ZBTB20: variants seen among roughly 807,000 people sequenced by gnomAD.
ZBTB20 encodes zinc finger and BTB domain containing 20.
ZBTB20 carries 9 observed loss-of-function variants against 56.9 expected under a neutral mutation model. The ratio of observed to expected loss-of-function variants is 0.16; its 90% confidence interval spans 0.10 to 0.28. ZBTB20 has a LOEUF of 0.28. ZBTB20 is among the 10% of genes least tolerant of loss of function. ZBTB20 has a pLI of 1.00. For missense variants in ZBTB20, 655 were observed against 1,003.0 expected (o/e 0.65, Z 4.69); for synonymous variants, 417 against 420.7 (o/e 0.99, Z 0.11).
chr3:114,716,663 C>G (rs956263227), intron 5 of ZBTB20, among the ~76,000 whole-genome samples: 1 of 152,104 alleles, frequency 6.6e-6, no homozygotes, highest in Non-Finnish European at 1.5e-5. Context: ...GAGAAGGTTT[C>G]CACTGCTAAC....
At chr3:114,435,850 C>G in intron 7 of ZBTB20, among the ~76,000 whole-genome samples, 1 of 152,156 alleles carries the variant, frequency 6.6e-6, no homozygotes, top group East Asian at 1.9e-4. Flanking sequence ...CTGGGGAACT[C>G]TCTCACTGCC....
At chr3:115,002,914 C>G (rs1576537402) in intron 2 of ZBTB20, among the ~76,000 whole-genome samples, 1 of 151,580 alleles carries the variant, frequency 6.6e-6, no homozygotes, top group East Asian at 2.0e-4. Flanking sequence ...ACGACGATGT[C>G]TTTAAGTAGG....
chr3:114,389,777 T>G (rs2085619253), intron 7 of ZBTB20, among the ~76,000 whole-genome samples: 1 of 150,928 alleles, frequency 6.6e-6, no homozygotes, highest in Non-Finnish European at 1.5e-5. Context: ...TAGTCCCAGC[T>G]ACTCAGGAGG....
At chr3:114,403,604 G>T (rs1442736821) in intron 7 of ZBTB20, among the ~76,000 whole-genome samples, 1 of 151,838 alleles carries the variant, frequency 6.6e-6, no homozygotes, top group African/African-American at 2.4e-5. Flanking sequence ...CATACATGTT[G>T]ATCTAGTGAG....
At chr3:114,839,969 T>C (rs1451154395) in intron 4 of ZBTB20, among the ~76,000 whole-genome samples, 1 of 152,174 alleles carries the variant, frequency 6.6e-6, no homozygotes, top group African/African-American at 2.4e-5. Flanking sequence ...ATTTAAGCTG[T>C]TTTAGGCCAT....
At chr3:114,731,127 C>A (rs2065712338) in intron 5 of ZBTB20, among the ~76,000 whole-genome samples, 2 of 152,142 alleles carry the variant, frequency 1.3e-5, no homozygotes, top group South Asian at 2.1e-4. Context: ...CATAATTTAT[C>A]TTTTAGATGA....
chr3:114,579,990 T>A (rs931832222), intron 6 of ZBTB20, among the ~76,000 whole-genome samples: 12 of 151,610 alleles, frequency 7.9e-5, no homozygotes, highest in African/African-American at 2.7e-4. Flanking sequence ...GAAAACTGTT[T>A]AAGATATAGA....
chr3:115,119,764 T>A (rs1427498533), intron 1 of ZBTB20, among the ~76,000 whole-genome samples: 1 of 152,190 alleles, frequency 6.6e-6, no homozygotes, highest in Non-Finnish European at 1.5e-5. Context: ...TCCGATTCCT[T>A]GCTTTTACCG....
intron 1 of ZBTB20, among the ~76,000 whole-genome samples, chr3:115,093,011 T>G (rs2083255350): frequency 6.6e-6 from 1 of 152,090 alleles, no homozygotes; most frequent in Non-Finnish European, 1.5e-5. Context: ...AAAATCACAG[T>G]CTTTAAGATG....
At chr3:114,566,007 T>TC (rs1231316948) in intron 6 of ZBTB20, among the ~76,000 whole-genome samples, 2 of 146,448 alleles carry the variant, frequency 1.4e-5, no homozygotes, top group African/African-American at 5.3e-5. Context: ...ATTTTTTCTT[T>TC]TTTTTTCTTT....
intron 7 of ZBTB20, among the ~76,000 whole-genome samples, chr3:114,444,972 G>C (rs2091176582): frequency 6.6e-6 from 1 of 152,062 alleles, no homozygotes; most frequent in South Asian, 2.1e-4. Context: ...CCATTCTGAA[G>C]AGTTGGTTAA....
chr3:114,867,911 A>G (rs2075832994), intron 4 of ZBTB20, among the ~76,000 whole-genome samples: 2 of 152,164 alleles, frequency 1.3e-5, no homozygotes, highest in Admixed American at 1.3e-4. Flanking sequence ...TACCCATTCA[A>G]TTACCCCAGC....
chr3:114,902,619 G>GT (rs1276436202), intron 3 of ZBTB20, among the ~76,000 whole-genome samples: 3 of 152,098 alleles, frequency 2.0e-5, no homozygotes, highest in Admixed American at 2.0e-4. Flanking sequence ...AAGTATTTAA[G>GT]TTTTTTCCTT....
chr3:114,680,219 G>T (rs2061887114), intron 6 of ZBTB20, among the ~76,000 whole-genome samples: 1 of 152,136 alleles, frequency 6.6e-6, no homozygotes. Flanking sequence ...AACCACCATG[G>T]CATGTGTATA....
At position 114,334,108 on chromosome 3, in the gene ZBTB20, T is replaced by C. The variant is rs1229120427; in HGVS notation, c.*4897A>G. On this transcript the variant is annotated 3_prime_UTR_variant, in exon 12 of 12. Coordinates refer to ENST00000675478, the MANE Select transcript of ZBTB20 (RefSeq NM_001348800.3). ...TTTTAATGCAGCAGCACACTGGCTATAGCAGAGGCAGACCTGATTTGATTA... is the reference window on the plus strand; with the variant it reads ...TTTTAATGCAGCAGCACACTGGCTACAGCAGAGGCAGACCTGATTTGATTA... 1 of 152,234 alleles carries C rather than the reference T, an allele frequency of 6.6e-6. No homozygotes were observed. Among genetic ancestry groups the C allele is most frequent in the Non-Finnish European group, 1.5e-5 (1 of 68,064 alleles). 9.4% of individuals were successfully genotyped at this position (152,234 alleles called of 1,614,324 possible).
intron 1 of ZBTB20, among the ~76,000 whole-genome samples, chr3:115,102,113 G>A (rs1256918807): frequency 6.6e-6 from 1 of 152,094 alleles, no homozygotes; most frequent in African/African-American, 2.4e-5. Context: ...GCTATCCTGG[G>A]AAAATTTCTA....
intron 6 of ZBTB20, among the ~76,000 whole-genome samples, chr3:114,672,529 A>C (rs1383207346): frequency 6.6e-6 from 1 of 152,126 alleles, no homozygotes; most frequent in Non-Finnish European, 1.5e-5. Context: ...TGCCCAAAAG[A>C]TGATGGTCTT....
chr3:114,663,191 C>T (rs1306099500), intron 6 of ZBTB20, among the ~76,000 whole-genome samples: 1 of 144,832 alleles, frequency 6.9e-6, no homozygotes, highest in Non-Finnish European at 1.5e-5. Flanking sequence ...GCGGATCTCT[C>T]GGCAGAAACC....
intron 6 of ZBTB20, among the ~76,000 whole-genome samples, chr3:114,692,965 CA>C (rs909675479): frequency 1.3e-4 from 20 of 152,096 alleles, no homozygotes; most frequent in African/African-American, 4.8e-4. Context: ...TTGGTAAGTA[CA>C]AGAGCAACCA....
Sources: gnomAD v4.1 joint callset for allele counts (sites outside exome capture counted in the v4.1 genomes callset) on GRCh38, gnomAD v4.1.1 for gene constraint, MANE v1.5 for transcripts, NCBI Gene and HGNC (gene_info 2026-07-23, HGNC 2026-07-21) for gene names.